The following ASIC2 variants were observed in gnomAD, a reference collection of about 807,000 sequenced individuals.
ASIC2 encodes acid sensing ion channel subunit 2, also known as acid-sensing ion channel 2.
ASIC2 carries 25 observed loss-of-function variants against 57.3 expected under a neutral mutation model. That is an observed-to-expected ratio of 0.44 (90% CI 0.32 to 0.61). ASIC2 has a LOEUF of 0.61. Ranked by LOEUF, ASIC2 falls within the 20% of genes least tolerant of loss-of-function variation. The pLI is 0.06. For missense variants in ASIC2, 641 were observed against 738.1 expected (o/e 0.87, Z 1.52); for synonymous variants, 319 against 307.5 (o/e 1.04, Z -0.39).
At position 34,155,783 on chromosome 17, in the gene ASIC2, G is replaced by A. The variant is rs930798262; in HGVS notation, c.555+195C>T. ...ACCCTCCATATTTGATCTGACAGCA[G>A]TGCTCTATCCTGGCCGGTAGCCTTC... On this transcript the variant is annotated intron_variant, in intron 1 of 9. Coordinates refer to the ASIC2 transcript ENST00000359872. The A allele has an allele frequency of 4.9e-6, 3 of 607,070 alleles. No homozygotes were observed. In the African/African-American group the frequency reaches 5.6e-5, roughly 11 times the overall value. The allele number at this position is 607,070 out of a possible 1,614,324, so 37.6% of individuals were successfully genotyped here.
chr17:33,564,002 A>T (rs957465643), intron 1 of ASIC2, among the ~76,000 whole-genome samples: 3 of 152,202 alleles, frequency 2.0e-5, no homozygotes, highest in African/African-American at 7.2e-5. Flanking sequence ...AGTAGAAATC[A>T]GGGCCATAGT....
intron 1 of ASIC2, among the ~76,000 whole-genome samples, chr17:33,162,370 G>A (rs773550844): frequency 2.0e-5 from 3 of 152,140 alleles, no homozygotes; most frequent in Non-Finnish European, 4.4e-5. Context: ...CTCCTCGCAC[G>A]GAACATCTGC....
intron 1 of ASIC2, among the ~76,000 whole-genome samples, chr17:33,414,423 G>A (rs1166291467): frequency 6.6e-6 from 1 of 152,090 alleles, no homozygotes; most frequent in Non-Finnish European, 1.5e-5. Flanking sequence ...AGGAAGTAGA[G>A]GGGAGGAGGA....
chr17:33,039,067 T>C (rs772784925), intron 3 of ASIC2, among the ~76,000 whole-genome samples: 21 of 152,116 alleles, frequency 1.4e-4, no homozygotes, highest in Non-Finnish European at 2.5e-4. Context: ...GGTTTCTGCT[T>C]CTGGAATGGG....
chr17:33,202,755 C>G (rs766780217), intron 1 of ASIC2, among the ~76,000 whole-genome samples: 21 of 152,184 alleles, frequency 1.4e-4, no homozygotes. Context: ...CTACATGGCT[C>G]CTTCCTGCTT....
At chr17:33,143,534 G>T (rs1186733722) in intron 1 of ASIC2, among the ~76,000 whole-genome samples, 2 of 151,974 alleles carry the variant, frequency 1.3e-5, no homozygotes, top group Non-Finnish European at 2.9e-5. Flanking sequence ...ATAGAAAATT[G>T]TCAGAATGGC....
intron 1 of ASIC2, among the ~76,000 whole-genome samples, chr17:33,744,211 C>T (rs1174446297): frequency 6.6e-6 from 1 of 152,184 alleles, no homozygotes; most frequent in Non-Finnish European, 1.5e-5. Context: ...TAAGAAACAC[C>T]CTGCTAGGGT....
chr17:33,844,662 G>A (rs541919660), intron 1 of ASIC2, among the ~76,000 whole-genome samples: 28 of 152,186 alleles, frequency 1.8e-4, no homozygotes, highest in Non-Finnish European at 3.7e-4. Context: ...GTGGTGACTT[G>A]CATTTCTGTA....
At chr17:33,230,009 G>A (rs1170290724) in intron 1 of ASIC2, among the ~76,000 whole-genome samples, 1 of 152,214 alleles carries the variant, frequency 6.6e-6, no homozygotes, top group Admixed American at 6.5e-5. Flanking sequence ...GATGGGGCCT[G>A]TGAACTGTGC....
intron 1 of ASIC2, among the ~76,000 whole-genome samples, chr17:33,903,311 C>A (rs1195162113): frequency 4.6e-5 from 7 of 152,178 alleles, no homozygotes; most frequent in Non-Finnish European, 1.0e-4. Flanking sequence ...TTCCAGCCAG[C>A]AATCTCCATA....
intron 1 of ASIC2, among the ~76,000 whole-genome samples, chr17:33,388,963 T>C (rs1412150096): frequency 1.3e-5 from 2 of 152,136 alleles, no homozygotes; most frequent in African/African-American, 4.8e-5. Flanking sequence ...CACTCTTGTT[T>C]GTTTGTTTGT....
chr17:33,276,774 C>G (rs1161970030), intron 1 of ASIC2, among the ~76,000 whole-genome samples: 2 of 152,172 alleles, frequency 1.3e-5, no homozygotes, highest in Non-Finnish European at 2.9e-5. Context: ...GCAGCAGCAG[C>G]CTGACGGTCT....
intron 1 of ASIC2, among the ~76,000 whole-genome samples, chr17:33,116,156 C>T (rs749651619): frequency 5.9e-5 from 9 of 152,340 alleles, no homozygotes; most frequent in South Asian, 2.1e-4. Flanking sequence ...GAAAGCGAAA[C>T]GCCCGCTCCC....
chr17:33,829,853 G>A (rs909196188), intron 1 of ASIC2, among the ~76,000 whole-genome samples: 2 of 152,024 alleles, frequency 1.3e-5, no homozygotes, highest in South Asian at 4.2e-4. Context: ...GTGAGCCACC[G>A]CGCCCACCCT....
intron 1 of ASIC2, among the ~76,000 whole-genome samples, chr17:33,664,157 C>T (rs1907396133): frequency 6.6e-6 from 1 of 152,166 alleles, no homozygotes; most frequent in Non-Finnish European, 1.5e-5. Context: ...CTGATAGACT[C>T]CGCCTCCTCT....
intron 1 of ASIC2, chr17:33,112,815 A>C (rs932547632): frequency 2.6e-5 from 4 of 152,196 alleles, no homozygotes; most frequent in Non-Finnish European, 5.9e-5. Context: ...CCCATCCTCT[A>C]AGGTAACTGT....
chr17:33,322,559 T>A (rs1906912041), intron 1 of ASIC2, among the ~76,000 whole-genome samples: 2 of 151,646 alleles, frequency 1.3e-5, no homozygotes, highest in Admixed American at 1.3e-4. Flanking sequence ...GTAGAAAGAT[T>A]CATTCATTCA....
At chr17:34,012,710 A>G (rs1906815211) in intron 1 of ASIC2, among the ~76,000 whole-genome samples, 1 of 140,918 alleles carries the variant, frequency 7.1e-6, no homozygotes, top group Admixed American at 7.6e-5. Flanking sequence ...CCTTATGGAC[A>G]GAGAATGATT....
At chr17:34,090,375 A>G (rs1411524206) in intron 1 of ASIC2, among the ~76,000 whole-genome samples, 1 of 151,756 alleles carries the variant, frequency 6.6e-6, no homozygotes, top group Non-Finnish European at 1.5e-5. Context: ...TCAGCTGCAG[A>G]CCTGGTGTTC....
Sources: gnomAD v4.1 joint callset for allele counts (sites outside exome capture counted in the v4.1 genomes callset) on GRCh38, gnomAD v4.1.1 for gene constraint, MANE v1.5 for transcripts, NCBI Gene and HGNC (gene_info 2026-07-23, HGNC 2026-07-21) for gene names.